Variants in ZNF594 observed in about 807,000 individuals in gnomAD.
ZNF594 encodes the protein zinc finger protein 594.
For synonymous variants in ZNF594, 336 were observed against 309.4 expected (o/e 1.09, Z -0.90); for missense variants, 1,037 against 964.6 (o/e 1.08, Z -0.99).
In ZNF594 at chr17:5,182,411, T is replaced by C. The variant is rs769804827; in HGVS notation, c.1846A>G (p.Arg616Gly). 1 of 1,613,848 alleles carries C rather than the reference T, an allele frequency of 6.2e-7. No individual in the cohort carries two copies. The highest frequency in any genetic ancestry group is 8.5e-7 in the Non-Finnish European group (1 of 1,180,008). Residue 616 changes from arginine to glycine, a missense_variant, in exon 2 of 2, where the codon AGA becomes GGA. Physicochemically the swap from Arg to Gly is moderately radical, Grantham distance 125. Transcript: ENST00000575779. Reference sequence around the variant, plus strand: ...TAAGGTTTTTCTCCACTGTGAATTCTATGATGTCTCAGAAGGTCTGAGCTC... The same window carrying C: ...TAAGGTTTTTCTCCACTGTGAATTCCATGATGTCTCAGAAGGTCTGAGCTC... ...NQSSDLLRHH[R>G]IHSGEKPYVC... is the part of the protein sequence containing the mutation.
intron 1 of ZNF594, among the ~76,000 whole-genome samples, chr17:5,189,166 G>C (rs1161790142): frequency 2.0e-5 from 3 of 150,932 alleles, no homozygotes; most frequent in African/African-American, 4.9e-5. Context: ...GGCTGGTCTT[G>C]AACTCCTGGC....
intron 1 of ZNF594, among the ~76,000 whole-genome samples, chr17:5,190,603 A>G (rs2074415656): frequency 6.6e-6 from 1 of 152,206 alleles, no homozygotes; most frequent in Non-Finnish European, 1.5e-5. Flanking sequence ...AGACTCACAC[A>G]TGAAACAAGG....
rs188140887 is a variant in ZNF594, at chr17:5,181,066, G to A, written c.*767C>T. On this transcript the variant is annotated 3_prime_UTR_variant, in exon 2 of 2. Transcript: ENST00000575779. Reference sequence around the variant, plus strand: ...TTACCACAGTTGCTACATTCAAAGGGTTTCTCTCTGGTATGAATTCTTTGA... The same window carrying A: ...TTACCACAGTTGCTACATTCAAAGGATTTCTCTCTGGTATGAATTCTTTGA... 1.7e-4 allele frequency: 219 copies of A among 1,308,624 alleles called. 2 individuals carry two copies. In the African/African-American group the frequency reaches 2.8e-3, roughly 17 times the overall value. The allele number at this position is 1,308,624 out of a possible 1,614,324, so 81.1% of individuals were successfully genotyped here. A position where few individuals can be genotyped will look rare whatever the true frequency, so the allele number is the denominator to read the frequency against.
chr17:5,187,717 G>A (rs2074394293), intron 1 of ZNF594, among the ~76,000 whole-genome samples: 1 of 152,102 alleles, frequency 6.6e-6, no homozygotes, highest in Non-Finnish European at 1.5e-5. Flanking sequence ...TTACCTCATA[G>A]AGTTGTTATG....
At chr17:5,177,347 G>A (rs911943196), downstream of ZNF594, among the ~76,000 whole-genome samples, 2 of 152,294 alleles carry the variant, frequency 1.3e-5, no homozygotes, top group South Asian at 2.1e-4. Flanking sequence ...TAAGACACTA[G>A]GAGGGTTCGG....
chr17:5,183,656 G>C lies in ZNF594; in HGVS notation c.601C>G (p.His201Asp). 6.2e-7 allele frequency: 1 copy of C among 1,614,178 alleles called. No individual in the cohort carries two copies. The highest frequency in any genetic ancestry group is 8.5e-7 in the Non-Finnish European group (1 of 1,180,028). Residue 201 changes from histidine (H) to aspartate (D), a missense_variant, in exon 2 of 2, where the codon CAT (histidine) becomes GAT (aspartate). Transcript: ENST00000575779. Reference protein sequence around the residue: ...DFNQSSNLVRHKQIHSGGNPY... With the variant: ...DFNQSSNLVRDKQIHSGGNPY... The stretch of plus-strand genomic sequence containing the variant: ...TTCCCACCACTGTGAATTTGCTTAT[G>C]TCTCACCAGATTGGAGCTCTGATTG...
rs1002174859 is a variant in ZNF594 at position 5,180,885 on chromosome 17, T to A, written c.*948A>T. On this transcript the variant is annotated 3_prime_UTR_variant, in exon 2 of 2. Coordinates refer to ENST00000575779, the MANE Select transcript of ZNF594 (RefSeq NM_032530.2). ...AAAACTCATTTGTAGTGCAATAAGATGTGGTCTCCATCAGACTTTTCCTAG... is the reference window on the plus strand; with the variant it reads ...AAAACTCATTTGTAGTGCAATAAGAAGTGGTCTCCATCAGACTTTTCCTAG... 18 of 536,948 alleles carry A rather than the reference T, an allele frequency of 3.4e-5. No individual in the cohort carries two copies. Among genetic ancestry groups the A allele is most frequent in the Admixed American group, 2.9e-4 (10 of 34,886 alleles). The allele number at this position is 536,948 out of a possible 1,614,324, so 33.3% of individuals were successfully genotyped here. A position where few individuals can be genotyped will look rare whatever the true frequency, so the allele number is the denominator to read the frequency against.
At position 5,184,267 on chromosome 17, in the gene ZNF594, T is replaced by C. The variant is rs2074372085; in HGVS notation, c.-11A>G. The C allele has an allele frequency of 6.2e-7, 1 of 1,602,290 alleles. No homozygotes were observed. The highest frequency in any genetic ancestry group is 1.7e-5 in the Admixed American group (1 of 57,878). ...TTTCCATTCCTTCATCTTATTCCTG[T>C]CTTCAGAATCTGAAATGATAAGTAG... On this transcript the variant is annotated 5_prime_UTR_variant, in exon 2 of 2. Transcript: ENST00000575779.
At position 5,182,195 on chromosome 17, in the gene ZNF594, C is replaced by T. The variant is rs750468336; in HGVS notation, c.2062G>A (p.Ala688Thr). ...ATAAGGAGGGAACGCCGCCTGAAGG[C>T]ATTCCCACATTCACTGCACTGATAG... ...KPYQCSECGN[A>T]FRRRSLLIQH... is the part of the protein sequence containing the mutation. The change falls in exon 2 of 2, where the codon GCC (alanine) becomes ACC (threonine). Residue 688 changes from alanine to threonine, a missense_variant. By Grantham distance (58) the Ala-to-Thr change is moderately conservative. Transcript: ENST00000575779. 2.5e-6 allele frequency: 4 copies of T among 1,613,538 alleles called. No individual in the cohort carries two copies. The highest frequency in any genetic ancestry group is 2.5e-6 in the Non-Finnish European group (3 of 1,179,970).
In ZNF594 at chr17:5,183,795, T is replaced by C; in HGVS notation, c.462A>G (p.Pro154=). ...IHQRIHTGNK[P]YVCNECGKDS... ...CTTTCCCACATTCATTACACACATA[T>C]GGCTTATTTCCTGTATGAATTCTCT... is the stretch of plus-strand genomic sequence containing the variant. Residue 154 remains proline (P), a synonymous_variant, in exon 2 of 2, where the codon CCA becomes CCG. Coordinates refer to ENST00000575779, the MANE Select transcript of ZNF594 (RefSeq NM_032530.2). 1 of 1,614,158 alleles carries C rather than the reference T, an allele frequency of 6.2e-7. No homozygotes were observed. The highest frequency in any genetic ancestry group is 1.1e-5 in the South Asian group (1 of 91,080).
rs766990580 is a variant in ZNF594, at chr17:5,183,442, C to G, written c.815G>C (p.Cys272Ser). The change falls in exon 2 of 2, where the codon TGT becomes TCT. Residue 272 changes from cysteine to serine, a missense_variant. Transcript: ENST00000575779. ...TGAACTTTGACTGAACATCTGTCCA[C>G]AGTCATAACATTCATAGGGTTTCTC... is the stretch of plus-strand genomic sequence containing the variant. ...TGEKPYECYD[C>S]GQMFSQSSHL... is the part of the protein sequence containing the mutation. The G allele has an allele frequency of 6.2e-7, 1 of 1,613,834 alleles. No individual in the cohort carries two copies. The highest frequency in any genetic ancestry group is 1.7e-5 in the Admixed American group (1 of 60,006).
downstream of ZNF594, among the ~76,000 whole-genome samples, chr17:5,176,503 A>G (rs1358288338): frequency 1.3e-5 from 2 of 151,844 alleles, no homozygotes; most frequent in African/African-American, 2.4e-5. Context: ...AAGTCAAAAA[A>G]TGAAGCACAA....
At chr17:5,189,106 GA>G (rs2074405616) in intron 1 of ZNF594, among the ~76,000 whole-genome samples, 1 of 149,750 alleles carries the variant, frequency 6.7e-6, no homozygotes, top group Non-Finnish European at 1.5e-5. Context: ...AAAAAAAAAA[GA>G]AAAGAGAAAG....
intron 1 of ZNF594, 92 bp downstream of exon 1, chr17:5,191,656 C>G (rs1460275128): frequency 6.6e-6 from 1 of 152,334 alleles, no homozygotes; most frequent in Non-Finnish European, 1.5e-5. Context: ...CCAGGCCTCT[C>G]CCCATAGGCA....
chr17:5,188,165 T>G (rs1185556482), intron 1 of ZNF594, among the ~76,000 whole-genome samples: 2 of 132,450 alleles, frequency 1.5e-5, no homozygotes, highest in African/African-American at 3.1e-5. Context: ...GTGTTTAGTG[T>G]TTTTTTTTTT....
Position 5,183,437 on chromosome 17 carries a change from G to A in ZNF594, c.820C>T (p.Gln274Ter). 1 of 1,613,578 alleles carries A rather than the reference G, an allele frequency of 6.2e-7. No homozygotes were observed. Among genetic ancestry groups the A allele is most frequent in the Admixed American group, 1.7e-5 (1 of 60,012 alleles). The change falls in exon 2 of 2, where the codon CAG (glutamine) becomes TAG (stop). Residue 274 changes from glutamine (Q) to a stop codon, truncating the protein, a stop_gained. Transcript: ENST00000575779. LOFTEE classifies it low-confidence loss of function (END_TRUNC). ...EKPYECYDCG[Q>*]MFSQSSHLVP... ...AGGTGTGAACTTTGACTGAACATCT[G>A]TCCACAGTCATAACATTCATAGGGT...
intron 1 of ZNF594, among the ~76,000 whole-genome samples, chr17:5,189,119 A>T (rs2074405700): frequency 6.6e-6 from 1 of 150,666 alleles, no homozygotes; most frequent in Admixed American, 6.6e-5. Context: ...AAGAGAAAGG[A>T]AAAAATAATA....
downstream of ZNF594, among the ~76,000 whole-genome samples, chr17:5,178,465 A>G (rs189440511): frequency 0.057 from 8,674 of 152,212 alleles, 312 homozygotes; most frequent in East Asian, 0.14. Context: ...AATAAACTAC[A>G]TAAGGAATAC....
Position 5,181,601 on chromosome 17 carries a change from T to G in ZNF594, c.*232A>C. On this transcript the variant is annotated 3_prime_UTR_variant, in exon 2 of 2. Transcript: ENST00000575779. Reference sequence around the variant, plus strand: ...GAATTCTCCGACGTTGAATAAGGAGTGAACGCCGCCTGAAGGCTTTTTCAC... The same window carrying G: ...GAATTCTCCGACGTTGAATAAGGAGGGAACGCCGCCTGAAGGCTTTTTCAC... 1.2e-6 allele frequency: 2 copies of G among 1,610,414 alleles called. No homozygotes were observed. The highest frequency in any genetic ancestry group is 1.7e-6 in the Non-Finnish European group (2 of 1,176,826).
Sources: gnomAD v4.1 joint callset for allele counts (sites outside exome capture counted in the v4.1 genomes callset) on GRCh38, gnomAD v4.1.1 for gene constraint, MANE v1.5 for transcripts, NCBI Gene and HGNC (gene_info 2026-07-23, HGNC 2026-07-21) for gene names.